DSCAM: variants seen among roughly 807,000 people sequenced by gnomAD.
DSCAM encodes the protein DS cell adhesion molecule, also known as cell adhesion molecule DSCAM.
Under a neutral mutation model 217.7 loss-of-function variants are expected in DSCAM, and 47 were observed. The observed-to-expected ratio is 0.22, with a 90% CI of 0.17 to 0.28. DSCAM has a LOEUF of 0.28. Ranked by LOEUF, DSCAM falls within the 10% of genes least tolerant of loss-of-function variation. The probability of loss-of-function intolerance (pLI) is 1.00; values close to 1 mark genes in which losing one functional copy is unlikely to be tolerated. For missense variants in DSCAM, 2,080 were observed against 2,618.3 expected (o/e 0.79, Z 4.49); for synonymous variants, 1,056 against 1,015.3 (o/e 1.04, Z -0.76).
At chr21:40,392,765 A>G (rs937108324) in intron 3 of DSCAM, among the ~76,000 whole-genome samples, 1 of 152,208 alleles carries the variant, frequency 6.6e-6, no homozygotes, top group African/African-American at 2.4e-5. Flanking sequence ...ATAAAGGACC[A>G]AAGAGCAGTA....
At position 40,367,073 on chromosome 21, in the gene DSCAM, A is replaced by G. The variant is rs148603835; in HGVS notation, c.655+2026T>C. On this transcript the variant is annotated intron_variant, in intron 4 of 32. Coordinates refer to ENST00000400454, the MANE Select transcript of DSCAM (RefSeq NM_001389.5). ...GGAGTACTTGCTGAGTACTTCCACTATCTTCAAGGACATAGACCATCACTG... is the reference window on the plus strand; with the variant it reads ...GGAGTACTTGCTGAGTACTTCCACTGTCTTCAAGGACATAGACCATCACTG... 1.6e-4 allele frequency among the ~76,000 whole-genome samples: 24 copies of G among 152,246 alleles called. 1 individual carries two copies. In the East Asian group the frequency reaches 3.5e-3, roughly 22 times the overall value.
intron 19 of DSCAM, among the ~76,000 whole-genome samples, chr21:40,131,065 G>A (rs1056523352): frequency 6.6e-6 from 1 of 152,154 alleles, no homozygotes; most frequent in Non-Finnish European, 1.5e-5. Context: ...CTGAGCAAAT[G>A]TTGGTAATTA....
intron 1 of DSCAM, among the ~76,000 whole-genome samples, chr21:40,738,691 G>A (rs949341450): frequency 1.3e-5 from 2 of 152,206 alleles, no homozygotes; most frequent in African/African-American, 4.8e-5. Flanking sequence ...GATTCAGTAG[G>A]TCAGGAATGG....
intron 1 of DSCAM, among the ~76,000 whole-genome samples, chr21:40,786,191 G>A (rs1047979823): frequency 1.1e-4 from 16 of 151,754 alleles, no homozygotes; most frequent in East Asian, 3.9e-4. Flanking sequence ...AGCTGAGATC[G>A]TGCCATTGTA....
intron 27 of DSCAM, among the ~76,000 whole-genome samples, chr21:40,074,364 A>G (rs1215154846): frequency 5.9e-5 from 9 of 152,196 alleles, no homozygotes; most frequent in Admixed American, 3.9e-4. Context: ...ACAGTTTCAT[A>G]TTTGAAATAA....
At chr21:40,708,842 G>C in intron 1 of DSCAM, 71 bp from the exon 2 acceptor site, 1 of 1,122,352 alleles carries the variant, frequency 8.9e-7, no homozygotes, top group Non-Finnish European at 1.2e-6. Context: ...TCAATGTCTG[G>C]CCTCAGAAAG....
intron 4 of DSCAM, among the ~76,000 whole-genome samples, chr21:40,364,679 T>TA (rs920573862): frequency 4.2e-5 from 4 of 95,772 alleles, no homozygotes; most frequent in Non-Finnish European, 6.3e-5. Context: ...AAAGTACAAT[T>TA]AAAAAAAAGT....
intron 19 of DSCAM, 59 bp from the exon 20 acceptor site, chr21:40,124,387 C>T (rs991954870): frequency 2.5e-5 from 40 of 1,602,338 alleles, no homozygotes; most frequent in African/African-American, 5.4e-5. Flanking sequence ...TGCGGACCCA[C>T]GCTTCCCAAC....
intron 3 of DSCAM, among the ~76,000 whole-genome samples, chr21:40,611,535 C>G (rs2089315622): frequency 6.6e-6 from 1 of 152,202 alleles, no homozygotes; most frequent in African/African-American, 2.4e-5. Flanking sequence ...CATACTTTGA[C>G]TGCCCAACAC....
In DSCAM at chr21:40,262,728, A is replaced by G. The variant is rs533703410; in HGVS notation, c.2356+13369T>C. ...TTGGTACCCTACAAGTATGTGACTG[A>G]TGGGCTTTGGCTGGAGGGCAGTGAT... On this transcript the variant is annotated intron_variant, in intron 11 of 32. Transcript: ENST00000400454. 9.8e-4 allele frequency among the ~76,000 whole-genome samples: 149 copies of G among 152,296 alleles called. 1 individual carries two copies. Among genetic ancestry groups the G allele is most frequent in the Middle Eastern group, 3.4e-3 (1 of 294 alleles).
intron 3 of DSCAM, among the ~76,000 whole-genome samples, chr21:40,391,473 T>C (rs996482185): frequency 1.3e-4 from 20 of 152,254 alleles, no homozygotes; most frequent in Non-Finnish European, 2.2e-4. Context: ...TACAATGTGC[T>C]TGAAAGTAAT....
At chr21:40,261,799 C>G (rs1384341426) in intron 11 of DSCAM, among the ~76,000 whole-genome samples, 3 of 152,110 alleles carry the variant, frequency 2.0e-5, no homozygotes, top group Admixed American at 6.5e-5. Context: ...CTGGAGAACC[C>G]TGACAAATAG....
At chr21:40,726,721 C>A (rs1283976239) in intron 1 of DSCAM, among the ~76,000 whole-genome samples, 1 of 152,122 alleles carries the variant, frequency 6.6e-6, no homozygotes, top group African/African-American at 2.4e-5. Context: ...TGAATGTTTG[C>A]CCCCACTCGA....
intron 11 of DSCAM, among the ~76,000 whole-genome samples, chr21:40,227,881 C>T (rs1341115001): frequency 6.6e-6 from 1 of 152,128 alleles, no homozygotes; most frequent in Non-Finnish European, 1.5e-5. Flanking sequence ...ATGACCCTAC[C>T]TGCTACCTAA....
intron 3 of DSCAM, among the ~76,000 whole-genome samples, chr21:40,468,437 CTT>C (rs1271493172): frequency 6.6e-6 from 1 of 152,126 alleles, no homozygotes; most frequent in African/African-American, 2.4e-5. Flanking sequence ...ATTTCAGAGA[CTT>C]ATAATATTTC....
intron 10 of DSCAM, among the ~76,000 whole-genome samples, chr21:40,279,963 G>T (rs1455634601): frequency 6.6e-6 from 1 of 152,026 alleles, no homozygotes; most frequent in Non-Finnish European, 1.5e-5. Context: ...GGCCTGTGAG[G>T]GGGTGGGGGC....
rs73369868 is a variant in DSCAM, at chr21:40,285,785, G to T, written c.2183-9515C>A. On this transcript the variant is annotated intron_variant, in intron 10 of 32. Transcript: ENST00000400454. ...GTTTATTTTTACCATGTGTGCCATA[G>T]AGAGATGTTGCCTTCTTCTCGTTTT... is the stretch of plus-strand genomic sequence containing the variant. Among the ~76,000 whole-genome samples the T allele has an allele frequency of 3.4e-3, 512 of 152,288 alleles. 7 individuals are homozygous for T. The highest frequency in any genetic ancestry group is 0.012 in the African/African-American group (487 of 41,558).
chr21:40,183,536 G>A (rs1254079810), intron 14 of DSCAM, among the ~76,000 whole-genome samples: 1 of 152,184 alleles, frequency 6.6e-6, no homozygotes, highest in Non-Finnish European at 1.5e-5. Context: ...GTGTTTCCTG[G>A]AAAAGAGTAA....
At chr21:40,243,794 A>G (rs1431156261) in intron 11 of DSCAM, among the ~76,000 whole-genome samples, 1 of 152,184 alleles carries the variant, frequency 6.6e-6, no homozygotes, top group Non-Finnish European at 1.5e-5. Flanking sequence ...GAGGAATGGA[A>G]CACCCTTGCC....
Sources: gnomAD v4.1 joint callset for allele counts (sites outside exome capture counted in the v4.1 genomes callset) on GRCh38, gnomAD v4.1.1 for gene constraint, MANE v1.5 for transcripts, NCBI Gene and HGNC (gene_info 2026-07-23, HGNC 2026-07-21) for gene names.